RYR2: variants seen among roughly 807,000 people sequenced by gnomAD.
RYR2 encodes ryanodine receptor 2.
In RYR2, 227 loss-of-function variants were observed where a neutral mutation model predicts 601.1. The ratio of observed to expected loss-of-function variants is 0.38; its 90% CI spans 0.34 to 0.42. The LOEUF is 0.42. RYR2 is among the 10% of genes least tolerant of loss of function. The pLI, the probability that RYR2 is intolerant of heterozygous loss-of-function variation, is 1.00. For synonymous variants in RYR2, 2,223 were observed against 2,175.1 expected, an observed-to-expected ratio of 1.02 and a Z score of -0.61; for missense variants, 4,646 against 6,156.5, an observed-to-expected ratio of 0.75 and a Z score of 8.21.
chr1:237,272,626 G>T (rs1184347456), intron 2 of RYR2, among the ~76,000 whole-genome samples: 1 of 148,672 alleles, frequency 6.7e-6, no homozygotes, highest in African/African-American at 2.4e-5. Flanking sequence ...ATTTATATGT[G>T]TATATATTGT....
chr1:237,086,172 T>TAA (rs1441188773), intron 1 of RYR2, among the ~76,000 whole-genome samples: 1 of 152,230 alleles, frequency 6.6e-6, no homozygotes, highest in African/African-American at 2.4e-5. Context: ...TATTTCCTCA[T>TAA]AATTCTGGAA....
intron 87 of RYR2, among the ~76,000 whole-genome samples, chr1:237,775,480 T>C (rs1459709542): frequency 1.3e-5 from 2 of 152,188 alleles, no homozygotes; most frequent in Admixed American, 1.3e-4. Context: ...TAAATATTGA[T>C]ACTATGAAGA....
chr1:237,163,095 C>T lies in RYR2; in HGVS notation c.49-107402C>T, dbSNP rs186349607. 7.9e-5 allele frequency among the ~76,000 whole-genome samples: 12 copies of T among 152,254 alleles called. No homozygotes were observed. In the East Asian group the frequency reaches 1.9e-3, roughly 24 times the overall value. On this transcript the variant is annotated intron_variant, in intron 1 of 104. Transcript: ENST00000366574. ...GCACACACTGGCCTTAGATATGTTC[C>T]TATTTTATCTTTTAATTTTTGACTT...
intron 48 of RYR2, among the ~76,000 whole-genome samples, chr1:237,646,347 A>G (rs529535569): frequency 6.6e-6 from 1 of 152,038 alleles, no homozygotes; most frequent in African/African-American, 2.4e-5. Context: ...TCTCAAAAAA[A>G]AATTTTTTTT....
At chr1:237,602,374 A>G (rs922658724) in intron 35 of RYR2, among the ~76,000 whole-genome samples, 50 of 152,164 alleles carry the variant, frequency 3.3e-4, no homozygotes, top group African/African-American at 1.1e-3. Context: ...CACACATTGC[A>G]GCAGTCATTG....
At chr1:237,597,634 A>G (rs1387427672) in intron 34 of RYR2, among the ~76,000 whole-genome samples, 1 of 152,008 alleles carries the variant, frequency 6.6e-6, no homozygotes, top group African/African-American at 2.4e-5. Flanking sequence ...GTCTATTATA[A>G]CTACAATATT....
chr1:237,698,105 AGTGTGTGT>A (rs3999833), intron 63 of RYR2, among the ~76,000 whole-genome samples: 10,802 of 139,982 alleles, frequency 0.077, 400 homozygotes, highest in African/African-American at 0.11. Context: ...AGGAGATGAT[AGTGTGTGT>A]GTGTGTGTGT....
intron 17 of RYR2, among the ~76,000 whole-genome samples, chr1:237,470,459 T>C (rs1464716147): frequency 6.6e-6 from 1 of 152,044 alleles, no homozygotes; most frequent in African/African-American, 2.4e-5. Flanking sequence ...GTGTAGAGTT[T>C]AGATAGTGGA....
At chr1:237,181,827 C>T (rs982839627) in intron 1 of RYR2, among the ~76,000 whole-genome samples, 4 of 152,064 alleles carry the variant, frequency 2.6e-5, no homozygotes, top group Admixed American at 6.5e-5. Flanking sequence ...TAATGATGAC[C>T]GAATTTTTTT....
At chr1:237,287,154 T>C (rs567481062) in intron 2 of RYR2, among the ~76,000 whole-genome samples, 4 of 152,190 alleles carry the variant, frequency 2.6e-5, no homozygotes, top group Non-Finnish European at 5.9e-5. Context: ...GCTTCTGGCT[T>C]GTAGGGTTTC....
At chr1:237,546,554 A>AT (rs1400840791) in intron 25 of RYR2, among the ~76,000 whole-genome samples, 1 of 151,666 alleles carries the variant, frequency 6.6e-6, no homozygotes, top group Non-Finnish European at 1.5e-5. Context: ...ATTGTTTTGT[A>AT]TTTTTTAGTA....
intron 51 of RYR2, 103 bp downstream of exon 51, chr1:237,651,604 G>A: frequency 1.4e-6 from 1 of 719,974 alleles, no homozygotes; most frequent in Admixed American, 2.9e-5. Context: ...TTGACGCTGG[G>A]AAATTTCTCC....
intron 16 of RYR2, among the ~76,000 whole-genome samples, chr1:237,457,068 G>T (rs1658923119): frequency 6.6e-6 from 1 of 152,146 alleles, no homozygotes; most frequent in African/African-American, 2.4e-5. Context: ...AGTGAGAAAG[G>T]TAGCTAGAGA....
At position 237,460,567 on chromosome 1, in the gene RYR2, G is replaced by C. The variant is rs551479341; in HGVS notation, c.1612+3832G>C. On this transcript the variant is annotated intron_variant, in intron 16 of 104. Coordinates refer to ENST00000366574, the MANE Select transcript of RYR2 (RefSeq NM_001035.3). ...CACTACCTAGCACTATGCTTGAATA[G>C]AGTAGGCAGTCAATAAATATTTGCT... Among the ~76,000 whole-genome samples, 12 of 152,298 alleles carry C rather than the reference G, an allele frequency of 7.9e-5. No individual in the cohort carries two copies. The East Asian group carries it at 1.9e-3, about 24-fold the overall frequency.
intron 47 of RYR2, among the ~76,000 whole-genome samples, chr1:237,642,969 C>T (rs1479209271): frequency 6.6e-6 from 1 of 152,088 alleles, no homozygotes; most frequent in Non-Finnish European, 1.5e-5. Flanking sequence ...TATTATTGCT[C>T]ATGTTATTGA....
intron 1 of RYR2, among the ~76,000 whole-genome samples, chr1:237,169,321 A>G (rs936801820): frequency 8.1e-5 from 12 of 147,348 alleles, no homozygotes; most frequent in African/African-American, 2.0e-4. Flanking sequence ...TTTTTTTGAG[A>G]TGGAGTCTTG....
rs1371998523 is a variant in RYR2, at chr1:237,350,619, A to G, written c.274-5346A>G. ...AAAAAAAAAATATATATATATATATATATATATATATATATCTCTGACCTC... is the reference window on the plus strand; with the variant it reads ...AAAAAAAAAATATATATATATATATGTATATATATATATATCTCTGACCTC... On this transcript the variant is annotated intron_variant, in intron 3 of 104. Transcript: ENST00000366574. Among the ~76,000 whole-genome samples the G allele has an allele frequency of 5.9e-4, 69 of 117,416 alleles. 1 individual carries two copies. The highest frequency in any genetic ancestry group is 3.8e-3 in the Middle Eastern group (1 of 260). 77.0% of individuals were successfully genotyped at this position (117,416 alleles called of 152,430 possible). A position where few individuals can be genotyped will look rare whatever the true frequency, so the allele number is the denominator to read the frequency against.
intron 29 of RYR2, 57 bp from the exon 30 acceptor site, chr1:237,589,736 A>G (rs577460385): frequency 2.0e-6 from 3 of 1,518,012 alleles, no homozygotes; most frequent in South Asian, 1.2e-5. Flanking sequence ...TGATAATTCT[A>G]TACTAACAGG....
chr1:237,422,742 A>C (rs575546483), intron 11 of RYR2, among the ~76,000 whole-genome samples: 1 of 152,164 alleles, frequency 6.6e-6, no homozygotes, highest in Non-Finnish European at 1.5e-5. Context: ...TTCCTGCATT[A>C]TTTGCATTAG....
Sources: gnomAD v4.1 joint callset for allele counts (sites outside exome capture counted in the v4.1 genomes callset) on GRCh38, gnomAD v4.1.1 for gene constraint, MANE v1.5 for transcripts, NCBI Gene and HGNC (gene_info 2026-07-23, HGNC 2026-07-21) for gene names.